The following MBD5 variants were observed in gnomAD, a reference collection of about 807,000 sequenced individuals.
MBD5 encodes the protein methyl-CpG binding domain protein 5.
MBD5 carries 13 observed loss-of-function variants against 117.3 expected under a neutral mutation model. That is an observed-to-expected ratio of 0.11 (90% CI 0.07 to 0.18). MBD5 has a LOEUF of 0.18. Among genes scored for constraint, MBD5 ranks in the 10% least tolerant of loss-of-function variants. MBD5 has a pLI of 1.00. For synonymous variants in MBD5, 727 were observed against 766.4 expected, an observed-to-expected ratio of 0.95 and a Z score of 0.85; for missense variants, 1,879 against 2,093.8, an observed-to-expected ratio of 0.90 and a Z score of 2.00.
intron 4 of MBD5, among the ~76,000 whole-genome samples, chr2:148,446,477 A>G (rs2105443823): frequency 6.6e-6 from 1 of 152,214 alleles, no homozygotes; most frequent in African/African-American, 2.4e-5. Context: ...CTGTGGAGTA[A>G]CTGTGGTCCA....
At chr2:148,266,784 A>G (rs562755076) in intron 3 of MBD5, among the ~76,000 whole-genome samples, 1 of 152,296 alleles carries the variant, frequency 6.6e-6, no homozygotes, top group East Asian at 1.9e-4. Context: ...TAAACAATTT[A>G]TCTGAAGAAA....
intron 1 of MBD5, among the ~76,000 whole-genome samples, chr2:148,109,649 A>G (rs1696461620): frequency 6.6e-6 from 1 of 152,156 alleles, no homozygotes; most frequent in Non-Finnish European, 1.5e-5. Flanking sequence ...AAGCTCATCA[A>G]ATTGTGTACA....
intron 4 of MBD5, among the ~76,000 whole-genome samples, chr2:148,381,687 A>T (rs181614361): frequency 4.6e-5 from 7 of 152,294 alleles, no homozygotes; most frequent in Admixed American, 2.6e-4. Context: ...TGAAGGAAAA[A>T]ATGTTAAGGG....
chr2:148,147,366 C>T (rs4972332), intron 1 of MBD5, among the ~76,000 whole-genome samples: 46,775 of 151,556 alleles, frequency 0.31, 8,353 homozygotes, highest in East Asian at 0.46. Context: ...CCTCAGCCCC[C>T]GAGAAGCTGG....
intron 1 of MBD5, among the ~76,000 whole-genome samples, chr2:148,160,315 T>G (rs1362318178): frequency 2.0e-5 from 3 of 152,124 alleles, no homozygotes; most frequent in African/African-American, 7.2e-5. Context: ...GGAGAATCAC[T>G]TGAACCCAGG....
At chr2:148,072,050 G>A (rs1695370500) in intron 1 of MBD5, 1 of 152,076 alleles carries the variant, frequency 6.6e-6, no homozygotes, top group South Asian at 2.1e-4. Context: ...CTAAATATAC[G>A]TATCTGTACT....
Position 148,115,419 on chromosome 2 carries a change from T to A in MBD5, c.-924-63281T>A, listed in dbSNP as rs549550482. Among the ~76,000 whole-genome samples, 6 of 152,306 alleles carry A rather than the reference T, an allele frequency of 3.9e-5. No homozygotes were observed. The South Asian group carries it at 1.2e-3, about 32-fold the overall frequency. ...CCTCATTATAAAATTGATATGATTC[T>A]TGAAGCCACTTTACAGAATCGTTGA... On this transcript the variant is annotated intron_variant, in intron 1 of 13. Coordinates refer to ENST00000642680, the MANE Select transcript of MBD5 (RefSeq NM_001378120.1).
At chr2:148,481,219 T>C (rs1186272369) in intron 8 of MBD5, among the ~76,000 whole-genome samples, 5 of 152,272 alleles carry the variant, frequency 3.3e-5, no homozygotes, top group African/African-American at 9.6e-5. Context: ...CCAGGCTTTA[T>C]CAGAGTGGTT....
intron 1 of MBD5, among the ~76,000 whole-genome samples, chr2:148,109,511 T>C (rs1182545361): frequency 6.6e-6 from 1 of 152,126 alleles, no homozygotes; most frequent in Non-Finnish European, 1.5e-5. Flanking sequence ...AGGTATGCCA[T>C]GGAAGAAAGT....
intron 2 of MBD5, among the ~76,000 whole-genome samples, chr2:148,187,826 G>T (rs1408626366): frequency 6.6e-6 from 1 of 152,080 alleles, no homozygotes; most frequent in East Asian, 1.9e-4. Context: ...ATGGAAACTC[G>T]ATCTCTTCAG....
chr2:148,470,337 G>T lies in MBD5; in HGVS notation c.2394G>T (p.Gln798His), dbSNP rs1374684022. 1 of 1,613,902 alleles carries T rather than the reference G, an allele frequency of 6.2e-7. No homozygotes were observed. Among genetic ancestry groups the T allele is most frequent in the South Asian group, 1.1e-5 (1 of 91,070 alleles). Residue 798 changes from glutamine (Q) to histidine (H), a missense_variant, in exon 8 of 14, where the codon CAG becomes CAT. Gln to His is a conservative substitution (Grantham distance 24). This residue lies in a region of MBD5 where 1,666 missense variants were observed against 1,792.2 expected (regional missense o/e 0.93). Coordinates refer to ENST00000642680, the MANE Select transcript of MBD5 (RefSeq NM_001378120.1). ...GCGGGAACTGTGGGATGCTCAGTCAGTCGGGCATGGCTTTAGGAAATTCCT... is the reference window on the plus strand; with the variant it reads ...GCGGGAACTGTGGGATGCTCAGTCATTCGGGCATGGCTTTAGGAAATTCCT... ...QASGNCGMLS[Q>H]SGMALGNSLH...
intron 4 of MBD5, among the ~76,000 whole-genome samples, chr2:148,373,142 A>G (rs1703901409): frequency 6.6e-6 from 1 of 152,178 alleles, no homozygotes; most frequent in African/African-American, 2.4e-5. Flanking sequence ...TGAAAAATTG[A>G]AAGTCAGTTC....
At chr2:148,267,625 T>G (rs150926229) in intron 3 of MBD5, among the ~76,000 whole-genome samples, 214 of 152,278 alleles carry the variant, frequency 1.4e-3, no homozygotes, top group African/African-American at 4.8e-3. Context: ...AATCAATGTG[T>G]TCATATGAAT....
chr2:148,223,939 C>T (rs1385847189), intron 2 of MBD5, among the ~76,000 whole-genome samples: 1 of 152,086 alleles, frequency 6.6e-6, no homozygotes, highest in Non-Finnish European at 1.5e-5. Context: ...TCATTTGTTT[C>T]AATGAATGTT....
chr2:148,335,938 C>T (rs553443677), intron 3 of MBD5, among the ~76,000 whole-genome samples: 87 of 152,224 alleles, frequency 5.7e-4, no homozygotes, highest in African/African-American at 2.0e-3. Context: ...TGACAAAAGT[C>T]GAATTCAAAT....
intron 3 of MBD5, 114 bp downstream of exon 3, chr2:148,233,509 A>C (rs868050040): frequency 6.6e-6 from 1 of 152,172 alleles, no homozygotes; most frequent in Non-Finnish European, 1.5e-5. Flanking sequence ...GTAGGAATTT[A>C]TGTATGCATG....
intron 8 of MBD5, among the ~76,000 whole-genome samples, chr2:148,478,657 T>C (rs1205042028): frequency 6.6e-6 from 1 of 152,146 alleles, no homozygotes; most frequent in Non-Finnish European, 1.5e-5. Context: ...AAGCATGAGA[T>C]CTCGCACCAA....
intron 3 of MBD5, among the ~76,000 whole-genome samples, chr2:148,308,652 AG>A (rs1434226146): frequency 1.3e-5 from 2 of 151,798 alleles, no homozygotes; most frequent in African/African-American, 4.8e-5. Context: ...GAAACTCTTT[AG>A]TTTAATTAGA....
At chr2:148,447,589 T>C (rs1706601816) in intron 4 of MBD5, 1 of 152,118 alleles carries the variant, frequency 6.6e-6, no homozygotes, top group Admixed American at 6.6e-5. Flanking sequence ...CACATGCCTA[T>C]AGAGGCCAGG....
Sources: allele counts gnomAD v4.1 joint callset (sites outside exome capture counted in the v4.1 genomes callset), GRCh38; gene constraint gnomAD v4.1.1; regional missense constraint gnomAD v4.1.1; transcripts MANE v1.5; gene names NCBI Gene and HGNC (gene_info 2026-07-23, HGNC 2026-07-21).